Variants in VSTM4 observed in about 807,000 individuals in gnomAD.
The protein encoded by VSTM4 is V-set and transmembrane domain-containing protein 4.
VSTM4 carries 20 observed loss-of-function variants against 36.4 expected under a neutral mutation model. That is an observed-to-expected ratio of 0.55 (90% CI 0.39 to 0.80). The LOEUF (loss-of-function observed/expected upper bound fraction) is 0.80, where lower values mean the gene tolerates loss of function less well. Among genes scored for constraint, VSTM4 ranks in the 30% least tolerant of loss-of-function variants. VSTM4 has a pLI of 0.00. For missense variants in VSTM4, 392 were observed against 404.5 expected (o/e 0.97, Z 0.26); for synonymous variants, 182 against 173.9 (o/e 1.05, Z -0.37).
chr10:49,044,528 AAAAG>A lies in VSTM4; in HGVS notation c.837+2451_837+2454del, dbSNP rs374618905. ...AAGGAAGGAGAAAAAGAAAGAAAGAAAAAGAAAGAAAGAAAGGAAGAAAGGAAGG... is the reference window on the plus strand; with the variant it reads ...AAGGAAGGAGAAAAAGAAAGAAAGAAAAAGAAAGAAAGGAAGAAAGGAAGG... On this transcript the variant is annotated intron_variant, in intron 7 of 7. Transcript: ENST00000332853. Among the ~76,000 whole-genome samples, 453 of 103,008 alleles carry A rather than the reference AAAAG, an allele frequency of 4.4e-3. 2 individuals carry two copies. Among genetic ancestry groups the A allele is most frequent in the African/African-American group, 0.012 (376 of 30,316 alleles). 67.6% of individuals were successfully genotyped at this position (103,008 alleles called of 152,430 possible). A position where few individuals can be genotyped will look rare whatever the true frequency, so the allele number is the denominator to read the frequency against.
chr10:49,103,622 C>A (rs1053442038), intron 2 of VSTM4: 4 of 1,493,204 alleles, frequency 2.7e-6, no homozygotes, highest in Non-Finnish European at 2.7e-6. Context: ...TTAAATATAT[C>A]ATCGCAAGTC....
chr10:49,077,448 T>A, intron 3 of VSTM4, 122 bp from the exon 4 acceptor site: 1 of 838,938 alleles, frequency 1.2e-6, no homozygotes, highest in Non-Finnish European at 1.9e-6. Context: ...CAAGGCAGTG[T>A]GGTATTGGTG....
At chr10:49,111,011 T>G (rs1276565539) in intron 1 of VSTM4, among the ~76,000 whole-genome samples, 3 of 152,194 alleles carry the variant, frequency 2.0e-5, no homozygotes, top group Non-Finnish European at 4.4e-5. Flanking sequence ...CTGAAAGCTT[T>G]GCTGGAGGAC....
At chr10:49,048,902 G>A (rs1457820881) in intron 5 of VSTM4, among the ~76,000 whole-genome samples, 4 of 152,218 alleles carry the variant, frequency 2.6e-5, no homozygotes, top group African/African-American at 9.6e-5. Flanking sequence ...AGGGATGCAT[G>A]GGTTGATGGT....
chr10:49,079,738 G>GAAGCTTCCAAGCCTC (rs1471271447), intron 3 of VSTM4, among the ~76,000 whole-genome samples: 2 of 152,144 alleles, frequency 1.3e-5, no homozygotes, highest in East Asian at 3.9e-4. Flanking sequence ...GAGGCTGAGA[G>GAAGCTTCCAAGCCTC]AAGCTTCCAA....
chr10:49,093,841 G>A (rs931251424), intron 2 of VSTM4, among the ~76,000 whole-genome samples: 11 of 146,882 alleles, frequency 7.5e-5, no homozygotes, highest in Admixed American at 6.3e-4. Flanking sequence ...TCCTCTTCCC[G>A]GGTTCACGCC....
At chr10:49,094,656 A>C (rs1349974953) in intron 2 of VSTM4, among the ~76,000 whole-genome samples, 1 of 152,192 alleles carries the variant, frequency 6.6e-6, no homozygotes, top group African/African-American at 2.4e-5. Context: ...CCCAAATTCA[A>C]ATTCAATGTA....
At chr10:49,101,341 A>T (rs1231355553) in intron 2 of VSTM4, among the ~76,000 whole-genome samples, 1 of 136,866 alleles carries the variant, frequency 7.3e-6, no homozygotes, top group African/African-American at 2.7e-5. Context: ...TACCATATGT[A>T]ATAGCTAAAA....
chr10:49,035,878 T>C (rs1342393378), intron 7 of VSTM4, among the ~76,000 whole-genome samples: 1 of 152,106 alleles, frequency 6.6e-6, no homozygotes, highest in Non-Finnish European at 1.5e-5. Context: ...AAAGTAACTG[T>C]GTCACTTAGC....
chr10:49,061,633 A>G (rs1436258397), intron 5 of VSTM4, among the ~76,000 whole-genome samples: 2 of 152,186 alleles, frequency 1.3e-5, no homozygotes, highest in East Asian at 1.9e-4. Flanking sequence ...TCTAATGTCC[A>G]TCTTCGCCTC....
intron 7 of VSTM4, among the ~76,000 whole-genome samples, chr10:49,027,071 CCT>C (rs1025596164): frequency 1.3e-5 from 2 of 152,126 alleles, no homozygotes; most frequent in African/African-American, 4.8e-5. Flanking sequence ...CTCTGAATGC[CCT>C]GACACTGATG....
chr10:49,072,861 G>A (rs1338155202), intron 4 of VSTM4, among the ~76,000 whole-genome samples: 1 of 152,210 alleles, frequency 6.6e-6, no homozygotes, highest in Non-Finnish European at 1.5e-5. Context: ...AGGTGACACT[G>A]CCAGAAGAAC....
intron 1 of VSTM4, among the ~76,000 whole-genome samples, chr10:49,112,973 T>C (rs993767559): frequency 4.6e-5 from 7 of 152,072 alleles, no homozygotes; most frequent in Admixed American, 1.3e-4. Context: ...CACTTCCAGG[T>C]GAGGGAGTAA....
chr10:49,097,424 C>T (rs1184747181), intron 2 of VSTM4, among the ~76,000 whole-genome samples: 2 of 151,716 alleles, frequency 1.3e-5, no homozygotes, highest in African/African-American at 4.9e-5. Context: ...TGGAGAGATT[C>T]CCAAAGCTGA....
rs1415943289 is a variant in VSTM4, at chr10:49,069,199, T to C, written c.635-4463A>G. 2.6e-5 allele frequency among the ~76,000 whole-genome samples: 4 copies of C among 152,076 alleles called. No homozygotes were observed. The East Asian group carries it at 7.7e-4, about 29-fold the overall frequency. On this transcript the variant is annotated intron_variant, in intron 4 of 7. Coordinates refer to ENST00000332853, the MANE Select transcript of VSTM4 (RefSeq NM_001031746.5). ...TGAGGTGGAGGCAGCCTTACTCCCA[T>C]CTTATCAGGCCCCGTAACAGTGTTG...
At chr10:49,093,552 C>G (rs867274977) in intron 2 of VSTM4, among the ~76,000 whole-genome samples, 1 of 152,160 alleles carries the variant, frequency 6.6e-6, no homozygotes, top group Admixed American at 6.5e-5. Context: ...AAACTGGAGA[C>G]AATTTGAATT....
rs1843939647 is a variant in VSTM4, at chr10:49,064,628, C to A, written c.668+75G>T. The A allele has an allele frequency of 2.7e-6, 4 of 1,497,732 alleles. No homozygotes were observed. In the South Asian group the frequency reaches 4.7e-5, roughly 18 times the overall value. The allele number at this position is 1,497,732 out of a possible 1,614,324, so 92.8% of individuals were successfully genotyped here. ...TTTTAGGTAAAACTACAAATTTAAT[C>A]AATTTATTGGTAATATCAAAAGAAA... is the stretch of plus-strand genomic sequence containing the variant. On this transcript the variant is annotated intron_variant, in intron 5 of 7. Coordinates refer to ENST00000332853, the MANE Select transcript of VSTM4 (RefSeq NM_001031746.5).
At chr10:49,034,202 CCAT>C (rs1843392217) in intron 7 of VSTM4, among the ~76,000 whole-genome samples, 1 of 151,796 alleles carries the variant, frequency 6.6e-6, no homozygotes, top group African/African-American at 2.4e-5. Context: ...ACCATCATCA[CCAT>C]CATCACCATC....
rs191058021 is a variant in VSTM4, at chr10:49,026,879, A to T, written c.838-7104T>A. The stretch of plus-strand genomic sequence containing the variant: ...TGCACATCCTGTGACTGCTGAAAGT[A>T]CCAAGCCTTACACTACGGATGCAAA... On this transcript the variant is annotated intron_variant, in intron 7 of 7. Transcript: ENST00000332853. 7.9e-4 allele frequency among the ~76,000 whole-genome samples: 121 copies of T among 152,314 alleles called. 1 individual carries two copies. The highest frequency in any genetic ancestry group is 2.7e-3 in the African/African-American group (114 of 41,568).
Sources: allele counts gnomAD v4.1 joint callset (sites outside exome capture counted in the v4.1 genomes callset), GRCh38; gene constraint gnomAD v4.1.1; transcripts MANE v1.5; gene names NCBI Gene and HGNC (gene_info 2026-07-23, HGNC 2026-07-21).